Variants in STAG1 observed in about 807,000 individuals in gnomAD.
The protein encoded by STAG1 is cohesin subunit SA-1.
STAG1 carries 26 observed loss-of-function variants against 170.9 expected under a neutral mutation model. The observed-to-expected ratio is 0.15, with a 90% confidence interval of 0.11 to 0.21. The LOEUF (loss-of-function observed/expected upper bound fraction) is 0.21. STAG1 is among the 10% of genes least tolerant of loss of function. The probability of loss-of-function intolerance (pLI) is 1.00; values close to 1 mark genes in which losing one functional copy is unlikely to be tolerated. For synonymous variants in STAG1, 514 were observed against 497.7 expected (o/e 1.03, Z -0.44); for missense variants, 964 against 1,509.5 (o/e 0.64, Z 5.99).
intron 12 of STAG1, among the ~76,000 whole-genome samples, chr3:136,469,365 G>A (rs201999153): frequency 2.0e-5 from 3 of 152,050 alleles, no homozygotes; most frequent in Admixed American, 1.3e-4. Flanking sequence ...GCCAAATCAC[G>A]AGTGAACTCC....
intron 1 of STAG1, among the ~76,000 whole-genome samples, chr3:136,730,066 GAGAC>G (rs1054949302): frequency 6.6e-6 from 1 of 151,490 alleles, no homozygotes; most frequent in Non-Finnish European, 1.5e-5. Flanking sequence ...TTGTGGTTAA[GAGAC>G]AGAGTCGCCC....
At chr3:136,596,675 T>C (rs1938442645) in intron 4 of STAG1, among the ~76,000 whole-genome samples, 1 of 152,242 alleles carries the variant, frequency 6.6e-6, no homozygotes, top group Non-Finnish European at 1.5e-5. Context: ...TGTAGCATCA[T>C]GTGTTATGCA....
At chr3:136,669,316 T>C (rs540468891) in intron 1 of STAG1, among the ~76,000 whole-genome samples, 13 of 152,070 alleles carry the variant, frequency 8.5e-5, no homozygotes, top group South Asian at 2.1e-4. Context: ...TAATGGTCGT[T>C]GTTGTTTTTT....
intron 15 of STAG1, 29 bp downstream of exon 15, chr3:136,443,258 A>G: frequency 6.7e-7 from 1 of 1,493,160 alleles, no homozygotes; most frequent in Non-Finnish European, 9.3e-7. Flanking sequence ...ATACAAAATC[A>G]TGTAAATTAA....
At chr3:136,653,465 A>G (rs940249166) in intron 1 of STAG1, among the ~76,000 whole-genome samples, 1 of 152,208 alleles carries the variant, frequency 6.6e-6, no homozygotes, top group Non-Finnish European at 1.5e-5. Flanking sequence ...TGAAATTCAG[A>G]TGAAAATTCC....
chr3:136,343,877 T>C lies in STAG1; in HGVS notation c.3401A>G (p.Gln1134Arg). The C allele has an allele frequency of 6.3e-7, 1 of 1,599,362 alleles. No individual in the cohort carries two copies. Residue 1134 changes from glutamine to arginine, a missense_variant, in exon 30 of 34, where the codon CAA becomes CGA. Coordinates refer to ENST00000383202, the MANE Select transcript of STAG1 (RefSeq NM_005862.3). The part of the protein sequence containing the change: ...ENSRPMGDQI[Q>R]EPESEHGSEP... ...AGAACCATGTTCAGACTCAGGTTCT[T>C]GAATCTGGTCTCCCATGGGCCGACT...
intron 5 of STAG1, among the ~76,000 whole-genome samples, chr3:136,553,040 T>C (rs1936470949): frequency 1.3e-5 from 2 of 151,812 alleles, no homozygotes; most frequent in Admixed American, 1.3e-4. Context: ...AGACTTAAAA[T>C]ACTAGAATTA....
At chr3:136,688,298 C>A (rs1275733574) in intron 1 of STAG1, among the ~76,000 whole-genome samples, 1 of 152,122 alleles carries the variant, frequency 6.6e-6, no homozygotes, top group Non-Finnish European at 1.5e-5. Flanking sequence ...GTGTCTTCTC[C>A]AGTAGACAAA....
chr3:136,619,579 A>T (rs1939748621), intron 3 of STAG1, among the ~76,000 whole-genome samples: 1 of 151,710 alleles, frequency 6.6e-6, no homozygotes, highest in African/African-American at 2.4e-5. Context: ...CAACATGGTG[A>T]AACCCTGTCT....
chr3:136,634,208 C>T (rs1459323484), intron 1 of STAG1, among the ~76,000 whole-genome samples: 2 of 151,270 alleles, frequency 1.3e-5, no homozygotes, highest in Non-Finnish European at 2.9e-5. Context: ...TAAAACTAAC[C>T]AGGCGTGGTG....
intron 10 of STAG1, among the ~76,000 whole-genome samples, chr3:136,477,016 T>C (rs2089769871): frequency 6.6e-6 from 1 of 152,146 alleles, no homozygotes; most frequent in Non-Finnish European, 1.5e-5. Flanking sequence ...AAAAAGAATA[T>C]AATGATTTTC....
intron 21 of STAG1, among the ~76,000 whole-genome samples, chr3:136,413,906 T>C (rs551157304): frequency 6.6e-6 from 1 of 152,186 alleles, no homozygotes; most frequent in Admixed American, 6.5e-5. Flanking sequence ...AAAAAGCAAA[T>C]ATTGTAATAA....
chr3:136,656,230 C>A (rs887854110), intron 1 of STAG1, among the ~76,000 whole-genome samples: 9 of 151,128 alleles, frequency 6.0e-5, no homozygotes, highest in Non-Finnish European at 8.8e-5. Context: ...TAATTAAATT[C>A]ATAGGAACAG....
At position 136,366,933 on chromosome 3, in the gene STAG1, TTAAC is replaced by T. The variant is rs769248767; in HGVS notation, c.2685+6_2685+9del. 2.6e-6 allele frequency: 4 copies of T among 1,534,640 alleles called. No homozygotes were observed. The African/African-American group carries it at 5.5e-5, about 21-fold the overall frequency. The stretch of plus-strand genomic sequence containing the variant: ...AGAGGAAGGAGAAAAATAAGAATAT[TTAAC>T]TATACCTTCATGTAGTGTTTGAAGA... On this transcript the variant is annotated splice_donor_region_variant and intron_variant, in intron 25 of 33. Coordinates refer to ENST00000383202, the MANE Select transcript of STAG1 (RefSeq NM_005862.3).
intron 14 of STAG1, among the ~76,000 whole-genome samples, chr3:136,451,829 A>G (rs1013983937): frequency 6.6e-6 from 1 of 152,094 alleles, no homozygotes; most frequent in Non-Finnish European, 1.5e-5. Flanking sequence ...GCCAGTCTGT[A>G]TTCAGTGTTG....
intron 1 of STAG1, among the ~76,000 whole-genome samples, chr3:136,656,854 A>G (rs1387342240): frequency 6.6e-6 from 1 of 152,200 alleles, no homozygotes; most frequent in African/African-American, 2.4e-5. Context: ...TCCAGAAAGC[A>G]TCTAATATTA....
At chr3:136,572,206 C>G (rs1937285705) in intron 4 of STAG1, among the ~76,000 whole-genome samples, 2 of 152,072 alleles carry the variant, frequency 1.3e-5, no homozygotes, top group African/African-American at 2.4e-5. Context: ...CAGAGCAAGA[C>G]TGTTTCAATT....
chr3:136,498,233 T>TATATATATATATATATATATATAGACAC, intron 9 of STAG1, among the ~76,000 whole-genome samples: 1 of 57,512 alleles, frequency 1.7e-5, no homozygotes, highest in Non-Finnish European at 2.8e-5. Context: ...TATATATATA[T>TATATATATATATATATATATATAGACAC]ACACATACAT....
chr3:136,346,476 CAAA>C (rs1357071836), intron 29 of STAG1, among the ~76,000 whole-genome samples: 1 of 152,092 alleles, frequency 6.6e-6, no homozygotes. Context: ...CTCAAATTGA[CAAA>C]AAAGTTTTCT....
Sources: allele counts gnomAD v4.1 joint callset (sites outside exome capture counted in the v4.1 genomes callset), GRCh38; gene constraint gnomAD v4.1.1; transcripts MANE v1.5; gene names NCBI Gene and HGNC (gene_info 2026-07-23, HGNC 2026-07-21).